Variants in NOC2L observed in about 807,000 individuals in gnomAD.
NOC2L encodes nucleolar complex protein 2 homolog.
NOC2L carries 101 observed loss-of-function variants against 94.2 expected under a neutral mutation model. That is an observed-to-expected ratio of 1.07 (90% CI 0.91 to 1.26). NOC2L has a LOEUF of 1.26. Ranked by LOEUF, NOC2L falls within the 50% of genes most tolerant of loss-of-function variation. The pLI, the probability that NOC2L is intolerant of heterozygous loss-of-function variation, is 0.00. For missense variants in NOC2L, 1,076 were observed against 980.1 expected (o/e 1.10, Z -1.31); for synonymous variants, 531 against 413.4 (o/e 1.28, Z -3.45).
chr1:954,155 C>G, intron 6 of NOC2L, 73 bp from the exon 7 acceptor site: 1 of 1,448,924 alleles, frequency 6.9e-7, no homozygotes, highest in Non-Finnish European at 9.6e-7. Flanking sequence ...CATGTTGGCG[C>G]GTGCCCTGGC....
At chr1:953,034 G>A (rs1444404804) in intron 9 of NOC2L, 141 bp downstream of exon 9, 6 of 645,560 alleles carry the variant, frequency 9.3e-6, no homozygotes, top group East Asian at 5.5e-5. Flanking sequence ...TGAGACATTC[G>A]TGATCCAAGG....
chr1:955,624 G>A (rs995333626), intron 6 of NOC2L, among the ~76,000 whole-genome samples: 1 of 152,192 alleles, frequency 6.6e-6, no homozygotes, highest in African/African-American at 2.4e-5. Flanking sequence ...GGGAAATAGA[G>A]CAAGAACCCT....
intron 9 of NOC2L, 21 bp downstream of exon 9, chr1:953,154 A>G (rs1318810523): frequency 6.4e-7 from 1 of 1,552,090 alleles, no homozygotes; most frequent in African/African-American, 1.4e-5. Flanking sequence ...TGAGGGACAC[A>G]GACGCAGGGC....
chr1:948,717 G>T, intron 12 of NOC2L, 114 bp from the exon 13 acceptor site: 1 of 697,692 alleles, frequency 1.4e-6, no homozygotes, highest in Non-Finnish European at 2.6e-6. Context: ...GCTGCACCCT[G>T]GTCACCCTGG....
chr1:955,735 G>A (rs759370777), intron 6 of NOC2L, among the ~76,000 whole-genome samples, 188 bp downstream of exon 6: 2 of 152,146 alleles, frequency 1.3e-5, no homozygotes, highest in Non-Finnish European at 2.9e-5. Flanking sequence ...AGGTGGGGCC[G>A]CTCCAACTGG....
chr1:947,791 T>A (rs1356228897), intron 14 of NOC2L, among the ~76,000 whole-genome samples: 1 of 152,190 alleles, frequency 6.6e-6, no homozygotes, highest in East Asian at 1.9e-4. Context: ...CGGGATGGCC[T>A]GGGGAAGTGT....
rs530399169 is a variant in NOC2L at position 953,225 on chromosome 1, T to A, written c.952A>T (p.Ser318Cys). The change falls in exon 9 of 19, where the codon AGC becomes TGC. Residue 318 changes from serine to cysteine, a missense_variant. Physicochemically the swap from Ser to Cys is moderately radical, Grantham distance 112. This residue lies in a region of NOC2L where 615 missense variants were observed against 577.4 expected (regional missense o/e 1.07). Coordinates refer to ENST00000327044, the MANE Select transcript of NOC2L (RefSeq NM_015658.4). ...SLRVLAFLVL[S>C]RVCRHKKDTF... ...TCCTTCTTGTGCCGGCAGACTCTGC[T>A]GAGGACCAGGAAAGCCAGCACCCGC... 6.2e-6 allele frequency: 10 copies of A among 1,613,606 alleles called. No homozygotes were observed. In the African/African-American group the frequency reaches 1.1e-4, roughly 17 times the overall value.
Position 945,546 on chromosome 1 carries a change from C to G in NOC2L, c.2025G>C (p.Glu675Asp). ...TCTCCGAGAATCCCTCGGTGTCGTC[C>G]TCTTCAGAGCTGTTCAGGTCAAAGA... Reference protein sequence around the residue: ...KDLFDLNSSEEDDTEGFSERG... With the variant: ...KDLFDLNSSEDDDTEGFSERG... The change falls in exon 17 of 19, where the codon GAG (glutamate) becomes GAC (aspartate). Residue 675 changes from glutamate to aspartate, a missense_variant. By Grantham distance (45) the Glu-to-Asp change is conservative (BLOSUM62 2). Coordinates refer to ENST00000327044, the MANE Select transcript of NOC2L (RefSeq NM_015658.4). The G allele has an allele frequency of 6.2e-7, 1 of 1,614,036 alleles. No homozygotes were observed. The highest frequency in any genetic ancestry group is 8.5e-7 in the Non-Finnish European group (1 of 1,179,894).
Position 955,364 on chromosome 1 carries a change from G to A in NOC2L, c.698+559C>T, listed in dbSNP as rs111739060. Among the ~76,000 whole-genome samples the A allele has an allele frequency of 1.0e-3, 156 of 152,330 alleles. 1 individual carries two copies. The highest frequency in any genetic ancestry group is 3.7e-3 in the African/African-American group (153 of 41,568). On this transcript the variant is annotated intron_variant, in intron 6 of 18. Transcript: ENST00000327044. ...AACTCTAGGCCTCCACTGCCTCAAG[G>A]TCACATGGCTGCACAGCCCCGGAAC...
rs1046406433 is a variant in NOC2L at position 945,067 on chromosome 1, G to A, written c.2133C>T (p.Ser711=). ...CCCAAGACCATTCACCCTCCGAGTT[G>A]CTGCTGTCCTCCTCGCCCTCCTCCT... The part of the protein sequence containing the change: ...EDEEEGEEDS[S]NSEDGDPDAE... The change falls in exon 18 of 19, where the codon AGC becomes AGT. Residue 711 remains serine (S), a synonymous_variant. Coordinates refer to ENST00000327044, the MANE Select transcript of NOC2L (RefSeq NM_015658.4). 6.2e-7 allele frequency: 1 copy of A among 1,613,908 alleles called. No homozygotes were observed. The highest frequency in any genetic ancestry group is 1.3e-5 in the African/African-American group (1 of 74,832).
chr1:948,541 G>A lies in NOC2L; in HGVS notation c.1506C>T (p.Phe502=), dbSNP rs200896050. Residue 502 remains phenylalanine, a synonymous_variant, in exon 13 of 19, where the codon TTC becomes TTT. Transcript: ENST00000327044. The part of the protein sequence containing the change: ...PGRMSSKPIN[F]SVILKLSNVN... ...CATTGGACAGCTTCAGGATCACGGA[G>A]AAGTTGATGGGCTTGGAGCTCATGC... 6.2e-6 allele frequency: 10 copies of A among 1,613,718 alleles called. No individual in the cohort carries two copies. The highest frequency in any genetic ancestry group is 8.5e-6 in the Non-Finnish European group (10 of 1,179,980).
chr1:944,783 C>T lies in NOC2L; in HGVS notation c.2161G>A (p.Glu721Lys). Residue 721 changes from glutamate (E) to lysine (K), a missense_variant, in exon 19 of 19, where the codon GAG (glutamate) becomes AAG (lysine). Physicochemically the swap from Glu to Lys is moderately conservative, Grantham distance 56. Coordinates refer to ENST00000327044, the MANE Select transcript of NOC2L (RefSeq NM_015658.4). Reference protein sequence around the residue: ...SNSEDGDPDAEAGLAPGELQQ... With the variant: ...SNSEDGDPDAKAGLAPGELQQ... ...AGCTCCCCAGGGGCCAGCCCCGCCT[C>T]TGCGTCTGGGTCTCCATCTGCGGGG... 1 of 1,595,038 alleles carries T rather than the reference C, an allele frequency of 6.3e-7. No homozygotes were observed. Among genetic ancestry groups the T allele is most frequent in the Non-Finnish European group, 8.5e-7 (1 of 1,174,912 alleles).
At chr1:959,171 A>T in intron 1 of NOC2L, 44 bp downstream of exon 1, 4 of 1,611,706 alleles carry the variant, frequency 2.5e-6, no homozygotes, top group Non-Finnish European at 3.4e-6. Flanking sequence ...TTGGATACAG[A>T]CACCCACCGG....
intron 2 of NOC2L, 28 bp downstream of exon 2, chr1:958,901 G>A (rs773563846): frequency 9.9e-6 from 16 of 1,612,202 alleles, no homozygotes; most frequent in Admixed American, 1.7e-5. Context: ...ACGAGCAAGA[G>A]GTTCTGCTCA....
chr1:946,291 G>C lies in NOC2L; in HGVS notation c.1804-5C>G. On this transcript the variant is annotated splice_region_variant and splice_polypyrimidine_tract_variant and intron_variant, in intron 15 of 18. Coordinates refer to ENST00000327044, the MANE Select transcript of NOC2L (RefSeq NM_015658.4). ...GGTCAGCTTCTCCCAGGCTTCCTGG[G>C]GGGTTGGGGGAGTTCAGGGTCATGC... 1 of 1,613,060 alleles carries C rather than the reference G, an allele frequency of 6.2e-7. No homozygotes were observed.
At chr1:953,970 C>T (rs1452589025) in intron 7 of NOC2L, 34 bp downstream of exon 7, 1 of 1,603,556 alleles carries the variant, frequency 6.2e-7, no homozygotes. Context: ...CCAGATACAG[C>T]CAGGCCCCCG....
intron 6 of NOC2L, 124 bp from the exon 7 acceptor site, chr1:954,206 C>G: frequency 4.6e-6 from 4 of 875,292 alleles, no homozygotes; most frequent in Non-Finnish European, 7.0e-6. Context: ...CCCCGTCTCT[C>G]CACTCAAAAA....
rs1451578655 is a variant in NOC2L, at chr1:959,236, G to A, written c.5C>T (p.Ala2Val). 20 of 1,606,916 alleles carry A rather than the reference G, an allele frequency of 1.2e-5. No individual in the cohort carries two copies. Among genetic ancestry groups the A allele is most frequent in the Admixed American group, 1.7e-5 (1 of 59,474 alleles). MAAAGSRKRRLA... is the reference protein window; with the variant it reads MVAAGSRKRRLA... ...TTACCTCTTGCGGCTCCCCGCAGCT[G>A]CCATGACACCAACCCGAAGCGTGCA... The change falls in exon 1 of 19, where the codon GCA becomes GTA. Residue 2 changes from alanine (A) to valine (V), a missense_variant. Ala to Val is a moderately conservative substitution (Grantham distance 64, BLOSUM62 0). Transcript: ENST00000327044.
At position 956,122 on chromosome 1, in the gene NOC2L, T is replaced by A. The variant is rs1642394401; in HGVS notation, c.580A>T (p.Asn194Tyr). Reference sequence around the variant, plus strand: ...GCACTGTCCGTGACCTGGAATTTGTTGGCCTCAGCACTTTCCTGGTCCCCT... The same window carrying A: ...GCACTGTCCGTGACCTGGAATTTGTAGGCCTCAGCACTTTCCTGGTCCCCT... ...TRGDQESAEA[N>Y]KFQVTDSAAF... The change falls in exon 5 of 19, where the codon AAC becomes TAC. Residue 194 changes from asparagine to tyrosine, a missense_variant. Asn to Tyr is a moderately radical substitution (Grantham distance 143). Transcript: ENST00000327044. The A allele has an allele frequency of 6.2e-7, 1 of 1,614,040 alleles. No individual in the cohort carries two copies. Among genetic ancestry groups the A allele is most frequent in the East Asian group, 2.2e-5 (1 of 44,878 alleles).
Sources: allele counts gnomAD v4.1 joint callset (sites outside exome capture counted in the v4.1 genomes callset), GRCh38; gene constraint gnomAD v4.1.1; regional missense constraint gnomAD v4.1.1; transcripts MANE v1.5; gene names NCBI Gene and HGNC (gene_info 2026-07-23, HGNC 2026-07-21).